The following PDE10A variants were observed in gnomAD, a reference collection of about 807,000 sequenced individuals.
The protein encoded by PDE10A is phosphodiesterase 10A.
In PDE10A, 39 loss-of-function variants were observed where a neutral mutation model predicts 97.7. The ratio of observed to expected loss-of-function variants is 0.40; its 90% CI spans 0.31 to 0.52. The LOEUF is 0.52. Ranked by LOEUF, PDE10A falls within the 20% of genes least tolerant of loss-of-function variation. PDE10A has a pLI of 0.56. For synonymous variants in PDE10A, 371 were observed against 376.8 expected, an observed-to-expected ratio of 0.98 and a Z score of 0.18; for missense variants, 731 against 1,047.8, an observed-to-expected ratio of 0.70 and a Z score of 4.17.
chr6:165,836,897 A>G (rs1287569619), intron 1 of PDE10A, among the ~76,000 whole-genome samples: 5 of 152,130 alleles, frequency 3.3e-5, no homozygotes, highest in African/African-American at 1.2e-4. Flanking sequence ...TGTCGTTTGT[A>G]GGGACATGGA....
intron 18 of PDE10A, among the ~76,000 whole-genome samples, chr6:165,347,035 C>T (rs1782358524): frequency 6.6e-6 from 1 of 151,702 alleles, no homozygotes; most frequent in Non-Finnish European, 1.5e-5. Context: ...TAAAGTAACA[C>T]ATAGAATTTG....
At chr6:165,610,078 T>A (rs1266777374) in intron 1 of PDE10A, among the ~76,000 whole-genome samples, 2 of 152,206 alleles carry the variant, frequency 1.3e-5, no homozygotes, top group Non-Finnish European at 2.9e-5. Flanking sequence ...AGTACAAAGC[T>A]GGAGGCATCA....
intron 13 of PDE10A, among the ~76,000 whole-genome samples, chr6:165,412,030 A>T (rs1327427144): frequency 1.3e-5 from 2 of 150,202 alleles, no homozygotes; most frequent in Non-Finnish European, 3.0e-5. Context: ...AAAGTTTTCA[A>T]TTTTTTTTTT....
chr6:165,592,437 C>A (rs917587813), intron 1 of PDE10A, among the ~76,000 whole-genome samples: 4 of 152,028 alleles, frequency 2.6e-5, no homozygotes, highest in African/African-American at 9.7e-5. Flanking sequence ...CAATAAAAGC[C>A]AAAATTGACA....
intron 3 of PDE10A, among the ~76,000 whole-genome samples, chr6:165,466,213 C>A (rs1216350260): frequency 1.3e-5 from 2 of 152,038 alleles, no homozygotes; most frequent in African/African-American, 4.8e-5. Flanking sequence ...TCATTTAGGA[C>A]AAAAAGGTTC....
chr6:165,569,205 T>G (rs898415880), intron 1 of PDE10A, among the ~76,000 whole-genome samples: 3 of 152,196 alleles, frequency 2.0e-5, no homozygotes, highest in African/African-American at 7.2e-5. Context: ...GTGTGTCATC[T>G]TTACTTCACG....
rs1055961026 is a variant in PDE10A at position 165,330,393 on chromosome 6, A to G, written c.*2632T>C. 5 of 152,162 alleles carry G rather than the reference A, an allele frequency of 3.3e-5. No homozygotes were observed. The highest frequency in any genetic ancestry group is 9.7e-5 in the African/African-American group (4 of 41,434). The allele number at this position is 152,162 out of a possible 1,614,324, so 9.4% of individuals were successfully genotyped here. A position where few individuals can be genotyped will look rare whatever the true frequency, so the allele number is the denominator to read the frequency against. On this transcript the variant is annotated 3_prime_UTR_variant, in exon 22 of 22. Transcript: ENST00000539869. ...GTCTCCTAAACATCTGACAAAATAC[A>G]AAAATACTCCTAACTGCATGTTTTC...
At chr6:165,699,819 C>T (rs939088624) in intron 1 of PDE10A, among the ~76,000 whole-genome samples, 5 of 152,006 alleles carry the variant, frequency 3.3e-5, no homozygotes, top group South Asian at 2.1e-4. Flanking sequence ...ACTTATGGGA[C>T]GCAGCTAAAA....
chr6:165,397,385 T>C (rs1786249631), intron 13 of PDE10A, among the ~76,000 whole-genome samples: 2 of 152,178 alleles, frequency 1.3e-5, no homozygotes, highest in South Asian at 4.1e-4. Flanking sequence ...TAGTTCACCA[T>C]CTATAGGTAA....
intron 1 of PDE10A, among the ~76,000 whole-genome samples, chr6:165,627,475 G>C (rs1355512310): frequency 1.3e-5 from 2 of 152,204 alleles, no homozygotes; most frequent in Non-Finnish European, 2.9e-5. Context: ...TCCAAAAGCT[G>C]CCTAGGGCTA....
chr6:165,545,172 C>G (rs747518578), intron 1 of PDE10A: 1 of 508,684 alleles, frequency 2.0e-6, no homozygotes, highest in Non-Finnish European at 3.9e-6. Context: ...TGACACAAGG[C>G]TATAGAATTC....
intron 1 of PDE10A, among the ~76,000 whole-genome samples, chr6:165,598,704 T>C (rs979363543): frequency 5.9e-5 from 9 of 152,204 alleles, no homozygotes; most frequent in African/African-American, 1.7e-4. Context: ...TGGGTTCTTC[T>C]ATTAAGCTCA....
chr6:165,633,794 A>AT (rs11459316), intron 1 of PDE10A, among the ~76,000 whole-genome samples: 98,304 of 146,712 alleles, frequency 0.67, 32,894 homozygotes, highest in East Asian at 0.76. Context: ...CGCCGGGCTA[A>AT]TTTTTTTTTT....
At chr6:165,833,665 T>C (rs1345196846) in intron 1 of PDE10A, among the ~76,000 whole-genome samples, 1 of 152,242 alleles carries the variant, frequency 6.6e-6, no homozygotes, top group African/African-American at 2.4e-5. Context: ...CCAACCAGGC[T>C]GAGCACAGCC....
intron 1 of PDE10A, among the ~76,000 whole-genome samples, chr6:165,705,322 T>C (rs995748847): frequency 6.6e-6 from 1 of 152,248 alleles, no homozygotes; most frequent in Non-Finnish European, 1.5e-5. Flanking sequence ...CACTGCAGAC[T>C]GCTCCAGCTG....
At chr6:165,887,101 T>C (rs1365069890) in intron 1 of PDE10A, among the ~76,000 whole-genome samples, 1 of 152,172 alleles carries the variant, frequency 6.6e-6, no homozygotes, top group Admixed American at 6.5e-5. Context: ...GAAAAATCAA[T>C]GAATGAGTTA....
At position 165,571,160 on chromosome 6, in the gene PDE10A, C is replaced by A. The variant is rs1353301212; in HGVS notation, c.866-27592G>T. ...TCTAGTAATTTCATTATTTTGATCCCATCTACGACACTTATATGACACTGA... is the reference window on the plus strand; with the variant it reads ...TCTAGTAATTTCATTATTTTGATCCAATCTACGACACTTATATGACACTGA... On this transcript the variant is annotated intron_variant, in intron 1 of 21. Transcript: ENST00000539869. Among the ~76,000 whole-genome samples the A allele has an allele frequency of 2.6e-5, 4 of 152,304 alleles. No individual in the cohort carries two copies. In the East Asian group the frequency reaches 7.7e-4, roughly 29 times the overall value.
chr6:165,726,522 G>C (rs9459498), intron 1 of PDE10A, among the ~76,000 whole-genome samples: 84,836 of 151,944 alleles, frequency 0.56, 23,884 homozygotes, highest in South Asian at 0.65. Flanking sequence ...CACGGGTGCC[G>C]AGCACCGGGG....
chr6:165,976,540 T>C (rs1383042348), intron 1 of PDE10A, among the ~76,000 whole-genome samples: 1 of 152,216 alleles, frequency 6.6e-6, no homozygotes, highest in Non-Finnish European at 1.5e-5. Context: ...CCAGAGCCTT[T>C]GCCAAGGTTT....
Sources: gnomAD v4.1 joint callset for allele counts (sites outside exome capture counted in the v4.1 genomes callset) on GRCh38, gnomAD v4.1.1 for gene constraint, MANE v1.5 for transcripts, NCBI Gene and HGNC (gene_info 2026-07-23, HGNC 2026-07-21) for gene names.